The following LRRC8A variants were observed in gnomAD, a reference collection of about 807,000 sequenced individuals.
The protein encoded by LRRC8A is leucine rich repeat containing 8 VRAC subunit A, also known as volume-regulated anion channel subunit LRRC8A.
Under a neutral mutation model 52.5 loss-of-function variants are expected in LRRC8A, and 24 were observed. The ratio of observed to expected loss-of-function variants is 0.46; its 90% CI spans 0.33 to 0.64. The LOEUF is 0.64. Among genes scored for constraint, LRRC8A ranks in the 30% least tolerant of loss-of-function variants. The probability of loss-of-function intolerance (pLI) is 0.02; values close to 1 mark genes in which losing one functional copy is unlikely to be tolerated. For missense variants in LRRC8A, 677 were observed against 1,094.7 expected (o/e 0.62, Z 5.38); for synonymous variants, 492 against 494.2 (o/e 1.00, Z 0.06).
At position 128,908,862 on chromosome 9, in the gene LRRC8A, C is replaced by T. The variant is rs777628588; in HGVS notation, c.1698C>T (p.Gly566=). 18 of 1,613,776 alleles carry T rather than the reference C, an allele frequency of 1.1e-5. No individual in the cohort carries two copies. Among genetic ancestry groups the T allele is most frequent in the Admixed American group, 1.0e-4 (6 of 60,010 alleles). ...TGCCACAGGTGGTCACAGATGTGGG[C>T]GTGCACCTGCAGAAGCTGTCCATCA... The part of the protein sequence containing the change: ...SKLPQVVTDV[G]VHLQKLSINN... The change falls in exon 3 of 4, where the codon GGC becomes GGT. Residue 566 remains glycine (G), a synonymous_variant. Coordinates refer to ENST00000372600, the MANE Select transcript of LRRC8A (RefSeq NM_019594.4).
Position 128,909,211 on chromosome 9 carries a change from T to A in LRRC8A, c.2047T>A (p.Tyr683Asn). The change falls in exon 3 of 4, where the codon TAC (tyrosine) becomes AAC (asparagine). Residue 683 changes from tyrosine (Y) to asparagine (N), a missense_variant. Physicochemically the swap from Tyr to Asn is moderately radical, Grantham distance 143. This residue lies in a region of LRRC8A where 169 missense variants were observed against 217.6 expected (regional missense o/e 0.78). Coordinates refer to ENST00000372600, the MANE Select transcript of LRRC8A (RefSeq NM_019594.4). ...CGAGAAGATCCCCACCCAGCTCTTC[T>A]ACTGCCGCAAGCTGCGCTACCTGGA... ...KIEKIPTQLF[Y>N]CRKLRYLDLS... 1 of 1,614,182 alleles carries A rather than the reference T, an allele frequency of 6.2e-7. No individual in the cohort carries two copies. The highest frequency in any genetic ancestry group is 8.5e-7 in the Non-Finnish European group (1 of 1,180,038).
Position 128,909,304 on chromosome 9 carries a change from G to T in LRRC8A, c.2140G>T (p.Ala714Ser), listed in dbSNP as rs1840395364. The T allele has an allele frequency of 1.2e-6, 2 of 1,613,038 alleles. No homozygotes were observed. The highest frequency in any genetic ancestry group is 1.7e-6 in the Non-Finnish European group (2 of 1,179,884). The change falls in exon 3 of 4, where the codon GCC (alanine) becomes TCC (serine). Residue 714 changes from alanine (A) to serine (S), a missense_variant. By Grantham distance (99) the Ala-to-Ser change is moderately conservative. Around this residue, in one of 4 missense-constraint regions of LRRC8A, gnomAD observed 169 missense variants for 217.6 expected, o/e 0.78. Coordinates refer to ENST00000372600, the MANE Select transcript of LRRC8A (RefSeq NM_019594.4). ...CCTCCTGCAGAACCTCCAGAACCTA[G>T]CCATCACGGCCAACCGGGTGAGTGG... Reference protein sequence around the residue: ...IGLLQNLQNLAITANRIETLP... With the variant: ...IGLLQNLQNLSITANRIETLP...
chr9:128,911,120 G>A lies in LRRC8A; in HGVS notation c.2157+1799G>A, dbSNP rs1338120265. Among the ~76,000 whole-genome samples, 1 of 152,064 alleles carries A rather than the reference G, an allele frequency of 6.6e-6. No homozygotes were observed. Among genetic ancestry groups the A allele is most frequent in the African/African-American group, 2.4e-5 (1 of 41,406 alleles). Reference sequence around the variant, plus strand: ...ATAGTATCCTCAGGCACGGAGGGAGGTGGCCCCTGGAATGCCCTGTCTGTC... The same window carrying A: ...ATAGTATCCTCAGGCACGGAGGGAGATGGCCCCTGGAATGCCCTGTCTGTC... On this transcript the variant is annotated intron_variant, in intron 3 of 3. Coordinates refer to ENST00000372600, the MANE Select transcript of LRRC8A (RefSeq NM_019594.4). The surrounding 1 kb of genome is among the most constrained non-coding windows in gnomAD (Gnocchi z 4.9).
rs765646398 is a variant in LRRC8A at position 128,908,641 on chromosome 9, G to A, written c.1477G>A (p.Glu493Lys). 3 of 1,612,708 alleles carry A rather than the reference G, an allele frequency of 1.9e-6. No homozygotes were observed. Among genetic ancestry groups the A allele is most frequent in the Non-Finnish European group, 2.5e-6 (3 of 1,179,892 alleles). ...IEAPALAFLRENLRALHIKFT... is the reference protein window; with the variant it reads ...IEAPALAFLRKNLRALHIKFT... The stretch of plus-strand genomic sequence containing the variant: ...AGCGCCCGCGCTGGCCTTCCTGCGT[G>A]AGAACCTGCGGGCGCTGCACATCAA... The change falls in exon 3 of 4, where the codon GAG (glutamate) becomes AAG (lysine). Residue 493 changes from glutamate (E) to lysine (K), a missense_variant. Transcript: ENST00000372600.
rs150865438 is a variant in LRRC8A at position 128,907,439 on chromosome 9, C to T, written c.275C>T (p.Thr92Met). The T allele has an allele frequency of 6.8e-5, 110 of 1,613,626 alleles. No individual in the cohort carries two copies. The highest frequency in any genetic ancestry group is 7.9e-5 in the Non-Finnish European group (93 of 1,180,036). The part of the protein sequence containing the change: ...PNSTILPTPD[T>M]GPTGIKYDLD... The stretch of plus-strand genomic sequence containing the variant: ...TCCACCATTCTGCCGACCCCTGACA[C>T]GGGCCCCACAGGCATCAAGTATGAC... Residue 92 changes from threonine (T) to methionine (M), a missense_variant, in exon 3 of 4, where the codon ACG becomes ATG. Thr to Met is a moderately conservative substitution (Grantham distance 81). Around this residue, in one of 4 missense-constraint regions of LRRC8A, gnomAD observed 54 missense variants for 49.7 expected, o/e 1.09. Coordinates refer to ENST00000372600, the MANE Select transcript of LRRC8A (RefSeq NM_019594.4). This position sits in a 1 kb window ranked among gnomAD's most constrained non-coding sequence, Gnocchi z 9.3.
chr9:128,883,934 A>C (rs1178437658), intron 1 of LRRC8A, among the ~76,000 whole-genome samples: 1 of 151,972 alleles, frequency 6.6e-6, no homozygotes, highest in Non-Finnish European at 1.5e-5. Context: ...AGATCGCGCC[A>C]TTGCACTCCA....
At chr9:128,883,999 C>T (rs1346396996) in intron 1 of LRRC8A, among the ~76,000 whole-genome samples, 4 of 151,882 alleles carry the variant, frequency 2.6e-5, no homozygotes, top group Non-Finnish European at 4.4e-5. Context: ...AAAAACAGAG[C>T]GGGGGCACAG....
chr9:128,895,810 G>A (rs779964725), intron 2 of LRRC8A, among the ~76,000 whole-genome samples: 2 of 152,196 alleles, frequency 1.3e-5, no homozygotes, highest in Non-Finnish European at 2.9e-5. Context: ...CTGAGCCTTC[G>A]CCTGTGGGAG....
At chr9:128,888,777 G>A (rs774402688) in intron 2 of LRRC8A, among the ~76,000 whole-genome samples, 5 of 151,884 alleles carry the variant, frequency 3.3e-5, no homozygotes, top group African/African-American at 1.2e-4. Flanking sequence ...CTGTCCTGTC[G>A]CTTTCCCTCC....
intron 2 of LRRC8A, among the ~76,000 whole-genome samples, chr9:128,887,907 G>C (rs1839459880): frequency 6.6e-6 from 1 of 152,192 alleles, no homozygotes; most frequent in South Asian, 2.1e-4. Flanking sequence ...CTCCCAAAGT[G>C]CTGGGATTAT....
At position 128,909,252 on chromosome 9, in the gene LRRC8A, C is replaced by A; in HGVS notation, c.2088C>A (p.Asn696Lys). 6.2e-7 allele frequency: 1 copy of A among 1,614,102 alleles called. No individual in the cohort carries two copies. The highest frequency in any genetic ancestry group is 8.5e-7 in the Non-Finnish European group (1 of 1,180,048). The change falls in exon 3 of 4, where the codon AAC becomes AAA. Residue 696 changes from asparagine (N) to lysine (K), a missense_variant. Asn to Lys is a moderately conservative substitution (Grantham distance 94, BLOSUM62 0). Transcript: ENST00000372600. ...KLRYLDLSHN[N>K]LTFLPADIGL... ...GCTACCTGGACCTCAGCCACAACAA[C>A]CTGACCTTCCTCCCTGCCGACATCG...
chr9:128,884,782 G>A (rs1254356462), intron 1 of LRRC8A, among the ~76,000 whole-genome samples: 3 of 152,134 alleles, frequency 2.0e-5, no homozygotes, highest in African/African-American at 7.2e-5. Flanking sequence ...TGAGGTAGAG[G>A]TTGGCTTGGA....
intron 2 of LRRC8A, among the ~76,000 whole-genome samples, chr9:128,886,995 A>G (rs1163021451): frequency 1.3e-5 from 2 of 152,216 alleles, no homozygotes. Context: ...ATCCTGGGCC[A>G]GGGTCTTCTG....
intron 1 of LRRC8A, chr9:128,882,544 C>T (rs576823452): frequency 5.0e-6 from 2 of 396,302 alleles, no homozygotes; most frequent in African/African-American, 4.1e-5. Flanking sequence ...TCCCCCATGT[C>T]CCCTTGTCAT....
intron 2 of LRRC8A, among the ~76,000 whole-genome samples, chr9:128,890,602 G>C (rs1330781695): frequency 6.6e-6 from 1 of 152,152 alleles, no homozygotes; most frequent in Non-Finnish European, 1.5e-5. Context: ...GATCCCTGGG[G>C]GTAGCCCCCT....
chr9:128,894,342 G>C (rs1251060417), intron 2 of LRRC8A, among the ~76,000 whole-genome samples: 1 of 151,846 alleles, frequency 6.6e-6, no homozygotes, highest in Non-Finnish European at 1.5e-5. Flanking sequence ...AAATTTGCCG[G>C]GCATTGTGGT....
chr9:128,882,895 C>T (rs1399844439), intron 1 of LRRC8A: 7 of 398,080 alleles, frequency 1.8e-5, no homozygotes, highest in Non-Finnish European at 3.1e-5. Flanking sequence ...AGGTCCAGGC[C>T]TGGTGCAGCC....
Position 128,908,421 on chromosome 9 carries a change from G to A in LRRC8A, c.1257G>A (p.Arg419=). 6.2e-7 allele frequency: 1 copy of A among 1,613,530 alleles called. No individual in the cohort carries two copies. Among genetic ancestry groups the A allele is most frequent in the Non-Finnish European group, 8.5e-7 (1 of 1,180,034 alleles). The change falls in exon 3 of 4, where the codon CGG becomes CGA. Residue 419 remains arginine (R), a synonymous_variant. Coordinates refer to ENST00000372600, the MANE Select transcript of LRRC8A (RefSeq NM_019594.4). Reference sequence around the variant, plus strand: ...GGACGCTGGACAAGCTCCGGCAGCGGCTCACCAAGAACGCGCAGGACAAGC... The same window carrying A: ...GGACGCTGGACAAGCTCCGGCAGCGACTCACCAAGAACGCGCAGGACAAGC... ...NEWTLDKLRQ[R]LTKNAQDKLE...
intron 2 of LRRC8A, among the ~76,000 whole-genome samples, chr9:128,901,624 C>G (rs879396586): frequency 4.6e-5 from 7 of 152,172 alleles, no homozygotes; most frequent in Non-Finnish European, 7.3e-5. Context: ...ATGGCCTCCT[C>G]CCAGCAGCCC....
Sources: allele counts gnomAD v4.1 joint callset (sites outside exome capture counted in the v4.1 genomes callset), GRCh38; gene constraint gnomAD v4.1.1; regional missense constraint gnomAD v4.1.1; non-coding constraint Gnocchi (gnomAD v3.1); transcripts MANE v1.5; gene names NCBI Gene and HGNC (gene_info 2026-07-23, HGNC 2026-07-21).